KIAA1549L: variants seen among roughly 807,000 people sequenced by gnomAD.
The protein encoded by KIAA1549L is KIAA1549 like, also known as UPF0606 protein KIAA1549L.
Under a neutral mutation model 160.7 loss-of-function variants are expected in KIAA1549L, and 88 were observed. The ratio of observed to expected loss-of-function variants is 0.55; its 90% CI spans 0.46 to 0.65. The LOEUF is 0.65. Among genes scored for constraint, KIAA1549L ranks in the 30% least tolerant of loss-of-function variants. The pLI is 0.00. For synonymous variants in KIAA1549L, 950 were observed against 976.7 expected (o/e 0.97, Z 0.51); for missense variants, 2,258 against 2,437.5 (o/e 0.93, Z 1.55).
intron 1 of KIAA1549L, among the ~76,000 whole-genome samples, chr11:33,538,379 C>A (rs1340994922): frequency 6.6e-6 from 1 of 152,198 alleles, no homozygotes; most frequent in East Asian, 1.9e-4. Flanking sequence ...TCTCCTCACT[C>A]CAGTGTGCAA....
Position 33,544,109 on chromosome 11 carries a change from C to T in KIAA1549L, c.2546C>T (p.Pro849Leu). ...QPAHPLLLTS[P>L]GPTSTGSLQE... ...GCACATCCTCTTTTGCTAACCTCAC[C>T]AGGACCAACTTCTACAGGTAGCTTG... Residue 849 changes from proline to leucine, a missense_variant, in exon 2 of 21, where the codon CCA becomes CTA. Transcript: ENST00000658780. 6.2e-7 allele frequency: 1 copy of T among 1,614,028 alleles called. No homozygotes were observed.
intron 1 of KIAA1549L, among the ~76,000 whole-genome samples, chr11:33,451,449 G>T (rs1440086592): frequency 4.6e-5 from 7 of 152,178 alleles, no homozygotes; most frequent in African/African-American, 1.4e-4. Context: ...ATAAAAAAGT[G>T]TTTATTTTTC....
chr11:33,550,697 C>T (rs1854430056), intron 4 of KIAA1549L, among the ~76,000 whole-genome samples: 1 of 152,208 alleles, frequency 6.6e-6, no homozygotes. Context: ...TTTTCCCCAG[C>T]ATTTCATTCA....
At chr11:33,399,170 C>T (rs1850448084) in intron 1 of KIAA1549L, among the ~76,000 whole-genome samples, 1 of 152,112 alleles carries the variant, frequency 6.6e-6, no homozygotes, top group Non-Finnish European at 1.5e-5. Context: ...CCAGGCTTGT[C>T]TCGAACTCCT....
chr11:33,398,239 A>G (rs956357422), intron 1 of KIAA1549L, among the ~76,000 whole-genome samples: 1 of 151,542 alleles, frequency 6.6e-6, no homozygotes, highest in South Asian at 2.1e-4. Context: ...TAGCTATTAG[A>G]TAGTAACATC....
intron 1 of KIAA1549L, among the ~76,000 whole-genome samples, chr11:33,504,450 C>T (rs1853031715): frequency 6.6e-6 from 1 of 151,722 alleles, no homozygotes; most frequent in Non-Finnish European, 1.5e-5. Context: ...CCTTCCCTTC[C>T]CTTCCCTTCC....
intron 4 of KIAA1549L, among the ~76,000 whole-genome samples, chr11:33,548,338 G>A (rs1443754371): frequency 6.6e-6 from 1 of 152,192 alleles, no homozygotes; most frequent in Non-Finnish European, 1.5e-5. Flanking sequence ...TGTGGAGGTT[G>A]CAGTGAGCTG....
At chr11:33,653,855 CTAT>C (rs753993012) in intron 17 of KIAA1549L, among the ~76,000 whole-genome samples, 3 of 151,714 alleles carry the variant, frequency 2.0e-5, no homozygotes, top group Non-Finnish European at 2.9e-5. Flanking sequence ...TGTGATTAAT[CTAT>C]TATTTACTTC....
chr11:33,669,956 A>G lies in KIAA1549L; in HGVS notation c.*1802A>G, dbSNP rs776318588. The G allele has an allele frequency of 4.6e-5, 7 of 152,232 alleles. No homozygotes were observed. Among genetic ancestry groups the G allele is most frequent in the African/African-American group, 1.7e-4 (7 of 41,456 alleles). The allele number at this position is 152,232 out of a possible 1,614,324, so 9.4% of individuals were successfully genotyped here. A position where few individuals can be genotyped will look rare whatever the true frequency, so the allele number is the denominator to read the frequency against. ...ATTTTTGTAATTCCCGTGTGTATAT[A>G]TGGTATATTTCTATCAATGGCCAGT... On this transcript the variant is annotated 3_prime_UTR_variant, in exon 21 of 21. Transcript: ENST00000658780.
At chr11:33,627,678 C>T (rs1282800184) in intron 16 of KIAA1549L, among the ~76,000 whole-genome samples, 1 of 152,036 alleles carries the variant, frequency 6.6e-6, no homozygotes, top group Non-Finnish European at 1.5e-5. Flanking sequence ...AATAAAGAAA[C>T]AATTAGTCTT....
intron 13 of KIAA1549L, among the ~76,000 whole-genome samples, chr11:33,605,610 T>C (rs552217438): frequency 3.9e-4 from 60 of 152,354 alleles, no homozygotes; most frequent in African/African-American, 1.4e-3. Context: ...TCTGTGATTA[T>C]GATAAGTGAC....
intron 20 of KIAA1549L, among the ~76,000 whole-genome samples, chr11:33,661,981 T>C (rs1165776721): frequency 6.6e-6 from 1 of 151,406 alleles, no homozygotes; most frequent in East Asian, 1.9e-4. Context: ...TTCCAAAACA[T>C]TTAAAAATAT....
intron 19 of KIAA1549L, 43 bp downstream of exon 19, chr11:33,658,941 C>T: frequency 6.6e-7 from 1 of 1,506,860 alleles, no homozygotes. Context: ...ACCACTGCTG[C>T]TGTGCCCTGT....
In KIAA1549L at chr11:33,552,160, GA is replaced by G; in HGVS notation, c.3775del (p.Thr1259GlnfsTer18). ...DNIQSCKFAQTMEQRLQKAFQ... is the reference protein window; with the variant it reads ...DNIQSCKFAQXMEQRLQKAFQ... ...ACATACAGTCCTGCAAGTTTGCTCA[GA>G]CAATGGAACAGAGGCTGCAGAAGGC... is the stretch of plus-strand genomic sequence containing the variant. On this transcript the variant is annotated frameshift_variant, in exon 6 of 21. Coordinates refer to ENST00000658780, the MANE Select transcript of KIAA1549L (RefSeq NM_012194.3). LOFTEE classifies it high-confidence loss of function. The G allele has an allele frequency of 6.2e-7, 1 of 1,613,026 alleles. No homozygotes were observed. Among genetic ancestry groups the G allele is most frequent in the Non-Finnish European group, 8.5e-7 (1 of 1,179,542 alleles).
rs536858719 is a variant in KIAA1549L, at chr11:33,454,438, G to A, written c.238+77549G>A. On this transcript the variant is annotated intron_variant, in intron 1 of 20. Coordinates refer to ENST00000658780, the MANE Select transcript of KIAA1549L (RefSeq NM_012194.3). ...TGACATTAATAGCTAGGCAACAGAT[G>A]TGACAGAAAGCTATAAAATTCTGTG... Among the ~76,000 whole-genome samples the A allele has an allele frequency of 6.6e-5, 10 of 152,324 alleles. No individual in the cohort carries two copies. The South Asian group carries it at 2.1e-3, about 32-fold the overall frequency.
rs745640460 is a variant in KIAA1549L at position 33,583,945 on chromosome 11, T to C, written c.4566+444T>C. Among the ~76,000 whole-genome samples, 16 of 152,236 alleles carry C rather than the reference T, an allele frequency of 1.1e-4. 1 individual carries two copies. Among genetic ancestry groups the C allele is most frequent in the Admixed American group, 1.3e-4 (2 of 15,286 alleles). On this transcript the variant is annotated intron_variant, in intron 11 of 20. Coordinates refer to ENST00000658780, the MANE Select transcript of KIAA1549L (RefSeq NM_012194.3). ...AAGGTCTGCTATGTTCTGAACGTTG[T>C]GGTCCACAGATTTATATGTTGAAAT...
intron 17 of KIAA1549L, among the ~76,000 whole-genome samples, chr11:33,646,256 C>T (rs573606640): frequency 7.9e-4 from 120 of 152,350 alleles, no homozygotes; most frequent in African/African-American, 2.8e-3. Context: ...TTCTTTCCAG[C>T]CATAATGTAT....
At chr11:33,480,392 T>C (rs1852385037) in intron 1 of KIAA1549L, among the ~76,000 whole-genome samples, 2 of 152,192 alleles carry the variant, frequency 1.3e-5, no homozygotes, top group Non-Finnish European at 2.9e-5. Flanking sequence ...TGGATAATAC[T>C]CAATTGTATA....
intron 1 of KIAA1549L, among the ~76,000 whole-genome samples, chr11:33,490,773 C>T (rs1852639483): frequency 6.6e-6 from 1 of 152,200 alleles, no homozygotes; most frequent in East Asian, 1.9e-4. Context: ...TGACATTTAA[C>T]ACCGTGCTCT....
Sources: allele counts gnomAD v4.1 joint callset (sites outside exome capture counted in the v4.1 genomes callset), GRCh38; gene constraint gnomAD v4.1.1; transcripts MANE v1.5; gene names NCBI Gene and HGNC (gene_info 2026-07-23, HGNC 2026-07-21).